Variants in STX5 observed in about 807,000 individuals in gnomAD.
STX5 encodes syntaxin-5.
A neutral mutation model predicts 42.9 loss-of-function variants in STX5; 15 were observed. The observed-to-expected ratio is 0.35, with a 90% CI of 0.23 to 0.54. The LOEUF is 0.54. Ranked by LOEUF, STX5 falls within the 20% of genes least tolerant of loss-of-function variation. The pLI, the probability that STX5 is intolerant of heterozygous loss-of-function variation, is 0.91. For missense variants in STX5, 430 were observed against 455.0 expected (o/e 0.95, Z 0.50); for synonymous variants, 184 against 173.2 (o/e 1.06, Z -0.49).
In STX5 at chr11:62,807,242, G is replaced by A. The variant is rs191308594; in HGVS notation, c.*227C>T. ...TCCCTTCCAGTCACTTCACAGCAGA[G>A]TTCAAATCTAGAACCCTGTGTGTTT... On this transcript the variant is annotated 3_prime_UTR_variant, in exon 11 of 11. Coordinates refer to ENST00000294179, the MANE Select transcript of STX5 (RefSeq NM_003164.5). The A allele has an allele frequency of 1.3e-5, 7 of 554,748 alleles. No homozygotes were observed. The highest frequency in any genetic ancestry group is 2.9e-5 in the South Asian group (1 of 34,896). 34.4% of individuals were successfully genotyped at this position (554,748 alleles called of 1,614,324 possible).
chr11:62,814,239 C>T (rs1310945676), intron 10 of STX5, among the ~76,000 whole-genome samples: 1 of 152,198 alleles, frequency 6.6e-6, no homozygotes, highest in East Asian at 1.9e-4. Context: ...AACCTTGGCT[C>T]ATTGCAACCT....
chr11:62,821,523 G>A (rs1004736491), intron 10 of STX5, among the ~76,000 whole-genome samples: 16 of 151,664 alleles, frequency 1.1e-4, no homozygotes, highest in South Asian at 2.1e-4. Context: ...TCAGGAGGTC[G>A]AGACCAGCCT....
At chr11:62,829,581 T>C (rs1245685566) in intron 2 of STX5, among the ~76,000 whole-genome samples, 1 of 151,716 alleles carries the variant, frequency 6.6e-6, no homozygotes, top group Non-Finnish European at 1.5e-5. Flanking sequence ...CTGGGCAACA[T>C]GGTAAAACCC....
intron 10 of STX5, among the ~76,000 whole-genome samples, chr11:62,813,093 C>CAA (rs371506460): frequency 0.092 from 5,910 of 64,286 alleles, 220 homozygotes; most frequent in East Asian, 0.21. Context: ...GACTCCGTCT[C>CAA]AAAAAAAAAA....
At chr11:62,824,893 T>C (rs1214288825) in intron 8 of STX5, 143 bp downstream of exon 8, 4 of 746,880 alleles carry the variant, frequency 5.4e-6, no homozygotes, top group Middle Eastern at 2.4e-4. Flanking sequence ...ATCTCAACCA[T>C]CTGGTTTGGC....
At position 62,831,123 on chromosome 11, in the gene STX5, G is replaced by C. The variant is rs1300717713; in HGVS notation, c.121C>G (p.Leu41Val). 1.3e-6 allele frequency: 2 copies of C among 1,555,182 alleles called. No individual in the cohort carries two copies. Among genetic ancestry groups the C allele is most frequent in the Non-Finnish European group, 1.7e-6 (2 of 1,149,346 alleles). The change falls in exon 2 of 11, where the codon CTG (leucine) becomes GTG (valine). Residue 41 changes from leucine to valine, a missense_variant. Physicochemically the swap from Leu to Val is conservative, Grantham distance 32. Transcript: ENST00000294179. ...GGGACGAGGGTCACTGGGGGGGGCA[G>C]AGGGGCGATGTCGCTGCTGCTACTG... ...AGSSSSDIAP[L>V]PPPVTLVPPP...
chr11:62,816,810 G>A (rs909520775), intron 10 of STX5, among the ~76,000 whole-genome samples: 3 of 150,010 alleles, frequency 2.0e-5, no homozygotes, highest in African/African-American at 7.3e-5. Flanking sequence ...AAAGAGAATC[G>A]CTTGAACCTG....
intron 10 of STX5, among the ~76,000 whole-genome samples, chr11:62,812,532 C>A (rs1400361629): frequency 6.6e-6 from 1 of 152,000 alleles, no homozygotes; most frequent in East Asian, 1.9e-4. Flanking sequence ...CATTCTCCTG[C>A]CTCAGCCTCC....
chr11:62,822,768 G>A (rs1323866906), intron 10 of STX5, among the ~76,000 whole-genome samples: 3 of 142,572 alleles, frequency 2.1e-5, no homozygotes, highest in Non-Finnish European at 3.0e-5. Context: ...TAGGATACAC[G>A]TTCCACAAGG....
chr11:62,827,361 G>A lies in STX5; in HGVS notation c.334C>T (p.Leu112=), dbSNP rs769725765. 5.6e-6 allele frequency: 9 copies of A among 1,614,212 alleles called. No individual in the cohort carries two copies. The highest frequency in any genetic ancestry group is 7.6e-6 in the Non-Finnish European group (9 of 1,180,040). The change falls in exon 4 of 11, where the codon CTG becomes TTG. Residue 112 remains leucine, a synonymous_variant. Transcript: ENST00000294179. Reference sequence around the variant, plus strand: ...CACTCACAGATTGTCAGCTTCTCCAGCTTGGCAAATGTGTTGCTAAGGTCT... The same window carrying A: ...CACTCACAGATTGTCAGCTTCTCCAACTTGGCAAATGTGTTGCTAAGGTCT... ...GKDLSNTFAK[L]EKLTILAKRK... is the part of the protein sequence containing the mutation.
At chr11:62,808,292 G>T (rs1437531908) in intron 10 of STX5, among the ~76,000 whole-genome samples, 1 of 152,138 alleles carries the variant, frequency 6.6e-6, no homozygotes, top group Non-Finnish European at 1.5e-5. Flanking sequence ...TGGGTGTGCT[G>T]GTGTGACCCT....
At chr11:62,810,027 G>A (rs1417469275) in intron 10 of STX5, among the ~76,000 whole-genome samples, 3 of 150,738 alleles carry the variant, frequency 2.0e-5, no homozygotes, top group African/African-American at 4.9e-5. Flanking sequence ...ACTTGAACCC[G>A]GGAGGCGGAG....
intron 10 of STX5, among the ~76,000 whole-genome samples, chr11:62,814,380 C>T (rs566159263): frequency 2.6e-5 from 4 of 152,140 alleles, no homozygotes; most frequent in African/African-American, 4.8e-5. Context: ...AGCCTGGTCT[C>T]GAACTCCCGA....
At chr11:62,827,758 T>A in intron 2 of STX5, 127 bp from the exon 3 acceptor site, 1 of 956,922 alleles carries the variant, frequency 1.0e-6, no homozygotes, top group Non-Finnish European at 1.6e-6. Context: ...TCTAGATTTA[T>A]GAGTGGTAGT....
intron 2 of STX5, chr11:62,830,547 T>TCAAAA (rs758142926): frequency 2.2e-6 from 1 of 457,044 alleles, no homozygotes; most frequent in Non-Finnish European, 4.4e-6. Flanking sequence ...AAAACAGATC[T>TCAAAA]CAAAACAAAA....
At chr11:62,808,017 T>C (rs923838810) in intron 10 of STX5, 1 of 178,692 alleles carries the variant, frequency 5.6e-6, no homozygotes, top group African/African-American at 2.4e-5. Flanking sequence ...ATCTGGTGAG[T>C]ATGTATTATA....
At chr11:62,817,540 T>C (rs1478448462) in intron 10 of STX5, among the ~76,000 whole-genome samples, 2 of 152,152 alleles carry the variant, frequency 1.3e-5, no homozygotes. Flanking sequence ...ACATGTACGA[T>C]AAAATCCTCA....
chr11:62,815,366 C>T (rs981056459), intron 10 of STX5, among the ~76,000 whole-genome samples: 2 of 151,794 alleles, frequency 1.3e-5, no homozygotes, highest in African/African-American at 2.4e-5. Context: ...ATCGCTCTGT[C>T]GTAACACTCA....
At chr11:62,819,002 G>C (rs1299847821) in intron 10 of STX5, among the ~76,000 whole-genome samples, 1 of 151,610 alleles carries the variant, frequency 6.6e-6, no homozygotes, top group Non-Finnish European at 1.5e-5. Flanking sequence ...GGTGGATCAC[G>C]AGGTCAGGAG....
Sources: gnomAD v4.1 joint callset for allele counts (sites outside exome capture counted in the v4.1 genomes callset) on GRCh38, gnomAD v4.1.1 for gene constraint, MANE v1.5 for transcripts, NCBI Gene and HGNC (gene_info 2026-07-23, HGNC 2026-07-21) for gene names.